Variants in PTPRK observed in about 807,000 individuals in gnomAD.
PTPRK encodes the protein receptor-type tyrosine-protein phosphatase kappa.
PTPRK carries 75 observed loss-of-function variants against 178.0 expected under a neutral mutation model. The observed-to-expected ratio is 0.42, with a 90% CI of 0.35 to 0.51. The LOEUF (loss-of-function observed/expected upper bound fraction) is 0.51. Ranked by LOEUF, PTPRK falls within the 20% of genes least tolerant of loss-of-function variation. PTPRK has a pLI of 0.02. For missense variants in PTPRK, 1,441 were observed against 1,797.8 expected (o/e 0.80, Z 3.59); for synonymous variants, 637 against 620.6 (o/e 1.03, Z -0.39).
Position 128,078,842 on chromosome 6 carries a change from T to C in PTPRK, c.1854A>G (p.Arg618=). Residue 618 remains arginine (R), a synonymous_variant, in exon 11 of 30, where the codon AGA becomes AGG. Coordinates refer to ENST00000368226, the MANE Select transcript of PTPRK (RefSeq NM_002844.4). ...TAGGAGCACCTTTGGCTTGTGCTGG[T>C]CTCAACAATACAGTTATTGTGGTGG... The part of the protein sequence containing the change: ...ETATTITVLL[R]PAQAKGAPIS... 6.2e-7 allele frequency: 1 copy of C among 1,611,994 alleles called. No individual in the cohort carries two copies. The highest frequency in any genetic ancestry group is 8.5e-7 in the Non-Finnish European group (1 of 1,178,486).
intron 7 of PTPRK, among the ~76,000 whole-genome samples, chr6:128,180,074 T>A (rs752146177): frequency 9.2e-5 from 14 of 152,024 alleles, no homozygotes; most frequent in Non-Finnish European, 1.5e-4. Flanking sequence ...ACCTTCCCTA[T>A]GAGAGAGATG....
intron 1 of PTPRK, among the ~76,000 whole-genome samples, chr6:128,499,961 C>T (rs1026290011): frequency 1.3e-5 from 2 of 152,158 alleles, no homozygotes; most frequent in African/African-American, 2.4e-5. Flanking sequence ...TAGCTCAATG[C>T]TAGGACCAGT....
At chr6:128,259,649 T>C (rs1213726178) in intron 3 of PTPRK, among the ~76,000 whole-genome samples, 2 of 152,146 alleles carry the variant, frequency 1.3e-5, no homozygotes, top group Non-Finnish European at 2.9e-5. Context: ...GTAACACGAA[T>C]AGAGAGAGGC....
chr6:128,111,386 G>A (rs78531674), intron 7 of PTPRK, among the ~76,000 whole-genome samples: 3,909 of 152,120 alleles, frequency 0.026, 77 homozygotes, highest in Middle Eastern at 0.092. Context: ...GATCATTCTT[G>A]TTGACCTGTA....
rs113612549 is a variant in PTPRK, at chr6:128,304,566, T to C, written c.495+17473A>G. Among the ~76,000 whole-genome samples the C allele has an allele frequency of 5.6e-3, 855 of 152,316 alleles. 9 individuals carry two copies. Among genetic ancestry groups the C allele is most frequent in the African/African-American group, 0.02 (814 of 41,568 alleles). On this transcript the variant is annotated intron_variant, in intron 3 of 29. Transcript: ENST00000368226. ...TATGTGCAAATCAAGTGGCTTCTTA[T>C]GAGTCTCTAAAATCTGGTTGTTAGA... is the stretch of plus-strand genomic sequence containing the variant.
chr6:128,299,898 T>C (rs1825264134), intron 3 of PTPRK, among the ~76,000 whole-genome samples: 1 of 152,126 alleles, frequency 6.6e-6, no homozygotes, highest in African/African-American at 2.4e-5. Flanking sequence ...AAAGAGCCTC[T>C]GCACAGCAAA....
At chr6:128,467,679 C>T (rs997766882) in intron 1 of PTPRK, among the ~76,000 whole-genome samples, 2 of 152,190 alleles carry the variant, frequency 1.3e-5, no homozygotes, top group East Asian at 1.9e-4. Flanking sequence ...TCTGGCCACT[C>T]GTAGGTTTCC....
At chr6:128,393,409 C>G (rs1166286008) in intron 2 of PTPRK, among the ~76,000 whole-genome samples, 1 of 151,990 alleles carries the variant, frequency 6.6e-6, no homozygotes, top group Non-Finnish European at 1.5e-5. Context: ...ACCTTATAGT[C>G]TAATGGACAG....
intron 5 of PTPRK, among the ~76,000 whole-genome samples, chr6:128,226,575 T>G (rs1366055124): frequency 6.6e-6 from 1 of 151,914 alleles, no homozygotes; most frequent in East Asian, 1.9e-4. Flanking sequence ...GTAGAAGAAA[T>G]TCTACCAGTG....
intron 1 of PTPRK, among the ~76,000 whole-genome samples, chr6:128,497,645 T>G (rs183605288): frequency 1.1e-3 from 163 of 152,296 alleles, no homozygotes; most frequent in Admixed American, 5.2e-3. Context: ...CTTTTAAAAT[T>G]TCTCACTCTG....
chr6:128,435,138 C>CAGGA (rs1845424596), intron 1 of PTPRK, among the ~76,000 whole-genome samples: 1 of 139,300 alleles, frequency 7.2e-6, no homozygotes, highest in African/African-American at 2.9e-5. Context: ...GGCAGGCAGG[C>CAGGA]AGGCAGGCAG....
intron 2 of PTPRK, among the ~76,000 whole-genome samples, chr6:128,334,094 G>A (rs1263643500): frequency 3.3e-5 from 5 of 152,082 alleles, no homozygotes; most frequent in Non-Finnish European, 5.9e-5. Flanking sequence ...CATCTTATAC[G>A]GGAGCTGTTC....
intron 3 of PTPRK, among the ~76,000 whole-genome samples, chr6:128,262,012 T>A (rs1818250708): frequency 6.6e-6 from 1 of 152,178 alleles, no homozygotes; most frequent in South Asian, 2.1e-4. Context: ...CAGGAGTTAC[T>A]CAGCCTGAGA....
At chr6:128,367,878 G>A (rs1835738157) in intron 2 of PTPRK, among the ~76,000 whole-genome samples, 1 of 152,124 alleles carries the variant, frequency 6.6e-6, no homozygotes, top group Non-Finnish European at 1.5e-5. Context: ...GAGAGTTTGA[G>A]AGAGCCTTCG....
chr6:128,378,858 C>T (rs1837477770), intron 2 of PTPRK, among the ~76,000 whole-genome samples: 1 of 152,022 alleles, frequency 6.6e-6, no homozygotes, highest in Non-Finnish European at 1.5e-5. Flanking sequence ...TTTATCTCCA[C>T]TCCAATATAA....
chr6:128,064,656 A>C, intron 13 of PTPRK, 102 bp downstream of exon 13: 1 of 1,435,098 alleles, frequency 7.0e-7, no homozygotes, highest in Non-Finnish European at 9.2e-7. Context: ...AACTAACTAT[A>C]ACAGAAATGT....
At chr6:128,469,899 T>G (rs1584868807) in intron 1 of PTPRK, among the ~76,000 whole-genome samples, 1 of 152,036 alleles carries the variant, frequency 6.6e-6, no homozygotes, top group Admixed American at 6.6e-5. Context: ...GAAACTAGAA[T>G]AGGCAAGGAA....
chr6:128,276,337 C>T (rs1383511217), intron 3 of PTPRK, among the ~76,000 whole-genome samples: 5 of 152,054 alleles, frequency 3.3e-5, no homozygotes, highest in Non-Finnish European at 7.4e-5. Context: ...ATTCTTTTCT[C>T]ATTATCCTTT....
At chr6:128,071,630 A>G (rs2114959085) in intron 11 of PTPRK, among the ~76,000 whole-genome samples, 1 of 152,076 alleles carries the variant, frequency 6.6e-6, no homozygotes, top group African/African-American at 2.4e-5. Context: ...GTCTTTAGTC[A>G]GTGTCTTTCT....
Sources: allele counts gnomAD v4.1 joint callset (sites outside exome capture counted in the v4.1 genomes callset), GRCh38; gene constraint gnomAD v4.1.1; transcripts MANE v1.5; gene names NCBI Gene and HGNC (gene_info 2026-07-23, HGNC 2026-07-21).